Variants in TMEM74 observed in about 807,000 individuals in gnomAD.
TMEM74 encodes transmembrane protein 74.
In TMEM74, 13 loss-of-function variants were observed where a neutral mutation model predicts 18.1. That is an observed-to-expected ratio of 0.72 (90% CI 0.47 to 1.14). The LOEUF (loss-of-function observed/expected upper bound fraction) is 1.14. Among genes scored for constraint, TMEM74 ranks in the 50% most tolerant of loss-of-function variants. The probability of loss-of-function intolerance (pLI) is 0.00; values close to 1 mark genes in which losing one functional copy is unlikely to be tolerated. For missense variants in TMEM74, 372 were observed against 375.9 expected, an observed-to-expected ratio of 0.99 and a Z score of 0.09; for synonymous variants, 159 against 146.6, an observed-to-expected ratio of 1.08 and a Z score of -0.61.
chr8:108,672,908 G>A (rs1445128262), intron 1 of TMEM74, among the ~76,000 whole-genome samples: 1 of 152,176 alleles, frequency 6.6e-6, no homozygotes, highest in Non-Finnish European at 1.5e-5. Context: ...AGTACAACAT[G>A]GGTCACAAAG....
chr8:108,756,599 A>AAAGGGAGGAAGGAAGGAAGG (rs1316384798), intron 1 of TMEM74, among the ~76,000 whole-genome samples: 2 of 51,526 alleles, frequency 3.9e-5, no homozygotes, highest in Non-Finnish European at 7.2e-5. Context: ...AAAGAAAGAG[A>AAAGGGAGGAAGGAAGGAAGG]AAGGAAGGAA....
intron 2 of TMEM74, among the ~76,000 whole-genome samples, chr8:108,646,065 A>T (rs1812713973): frequency 6.6e-6 from 1 of 151,828 alleles, no homozygotes; most frequent in Admixed American, 6.6e-5. Flanking sequence ...ACCACTTGAT[A>T]TATATTGTTC....
At chr8:108,693,242 A>G (rs1334086433) in intron 1 of TMEM74, among the ~76,000 whole-genome samples, 1 of 152,194 alleles carries the variant, frequency 6.6e-6, no homozygotes, top group African/African-American at 2.4e-5. Flanking sequence ...AGACAAGGAC[A>G]TTCACATCAG....
At chr8:108,623,610 T>C (rs1181291390) in intron 2 of TMEM74, among the ~76,000 whole-genome samples, 2 of 152,132 alleles carry the variant, frequency 1.3e-5, no homozygotes, top group Non-Finnish European at 2.9e-5. Context: ...TTAATACATA[T>C]TTTAAGTATC....
chr8:108,759,791 T>C (rs1305043195), intron 1 of TMEM74, among the ~76,000 whole-genome samples: 1 of 152,086 alleles, frequency 6.6e-6, no homozygotes, highest in African/African-American at 2.4e-5. Flanking sequence ...AGATTTAAAT[T>C]TCATGGTATA....
chr8:108,716,033 TA>T (rs1031433284), intron 1 of TMEM74, among the ~76,000 whole-genome samples: 17 of 151,868 alleles, frequency 1.1e-4, no homozygotes, highest in African/African-American at 1.9e-4. Flanking sequence ...AAAAATTGAT[TA>T]AAAAAAGAAA....
intron 1 of TMEM74, chr8:108,655,463 AAAG>A (rs1304835828): frequency 8.5e-5 from 13 of 152,158 alleles, no homozygotes; most frequent in South Asian, 2.1e-4. Context: ...ATTAAAAAAA[AAAG>A]AAGAAAGTTA....
intron 2 of TMEM74, chr8:108,626,646 T>C (rs1265908097): frequency 1.3e-5 from 2 of 152,064 alleles, no homozygotes; most frequent in African/African-American, 4.8e-5. Flanking sequence ...ATATGGAAGA[T>C]GGCTACACAC....
At chr8:108,778,424 C>T (rs938527416), downstream of TMEM74, among the ~76,000 whole-genome samples, 1 of 152,120 alleles carries the variant, frequency 6.6e-6, no homozygotes, top group Non-Finnish European at 1.5e-5. Context: ...TAGCGAGAGA[C>T]TGTGGAAATG....
Position 108,785,003 on chromosome 8 carries a change from A to G in TMEM74, c.96T>C (p.Asp32=). The G allele has an allele frequency of 6.2e-7, 1 of 1,614,152 alleles. No individual in the cohort carries two copies. Among genetic ancestry groups the G allele is most frequent in the South Asian group, 1.1e-5 (1 of 91,078 alleles). The change falls in exon 2 of 2, where the codon GAT becomes GAC. Residue 32 remains aspartate, a synonymous_variant. Coordinates refer to ENST00000297459, the MANE Select transcript of TMEM74 (RefSeq NM_153015.3). ...AGAGAGCAGCTCTTGTGGCTGCTGT[A>G]TCTGCCTGGTCACCAGGCAGCCCTC... is the stretch of plus-strand genomic sequence containing the variant. ...SSRGLPGDQA[D]TAATRAALCC...
intron 2 of TMEM74, chr8:108,626,537 C>T (rs923439778): frequency 6.6e-6 from 1 of 151,970 alleles, no homozygotes; most frequent in Non-Finnish European, 1.5e-5. Context: ...TGCATTATTT[C>T]TCCACTGCTT....
At chr8:108,708,210 T>G (rs1813436005) in intron 1 of TMEM74, among the ~76,000 whole-genome samples, 1 of 152,072 alleles carries the variant, frequency 6.6e-6, no homozygotes, top group Non-Finnish European at 1.5e-5. Flanking sequence ...ATGATCTCAT[T>G]CTTTTTTATG....
intron 1 of TMEM74, among the ~76,000 whole-genome samples, chr8:108,725,160 C>T (rs142483257): frequency 1.3e-5 from 2 of 152,316 alleles, no homozygotes; most frequent in East Asian, 3.9e-4. Context: ...CCATTTGGAT[C>T]GCTCATTAAA....
intron 1 of TMEM74, among the ~76,000 whole-genome samples, chr8:108,726,395 T>C (rs1313132517): frequency 6.6e-6 from 1 of 152,178 alleles, no homozygotes; most frequent in Non-Finnish European, 1.5e-5. Context: ...AACAACGCCC[T>C]ACAAGCAATT....
chr8:108,729,727 CCCATT>C (rs1243808390), intron 1 of TMEM74, among the ~76,000 whole-genome samples: 1 of 152,154 alleles, frequency 6.6e-6, no homozygotes, highest in Non-Finnish European at 1.5e-5. Flanking sequence ...TTCATTTCAT[CCCATT>C]CCATTCTATT....
chr8:108,683,881 C>T (rs1586259714), intron 1 of TMEM74, among the ~76,000 whole-genome samples: 1 of 152,072 alleles, frequency 6.6e-6, no homozygotes, highest in African/African-American at 2.4e-5. Flanking sequence ...GTTTATTTCA[C>T]TTAACATGAT....
intron 1 of TMEM74, among the ~76,000 whole-genome samples, chr8:108,694,908 T>A (rs1307941172): frequency 6.6e-6 from 1 of 152,204 alleles, no homozygotes; most frequent in African/African-American, 2.4e-5. Flanking sequence ...GAATTTGAGC[T>A]GGAGCCCTCA....
In TMEM74 at chr8:108,645,373, GC is replaced by G. The variant is rs150051788; in HGVS notation, n.264+9919del. Among the ~76,000 whole-genome samples the G allele has an allele frequency of 7.7e-3, 1,166 of 152,208 alleles. 24 individuals are homozygous for G. The highest frequency in any genetic ancestry group is 0.025 in the African/African-American group (1,042 of 41,548). Reference sequence around the variant, plus strand: ...CACAATATGGGAAGGAAGGAGTGGGGCAAGTGCTGAAAAACTTTTGGATACT... The same window carrying G: ...CACAATATGGGAAGGAAGGAGTGGGGAAGTGCTGAAAAACTTTTGGATACT... On this transcript the variant is annotated intron_variant and non_coding_transcript_variant, in intron 2 of 3. Coordinates refer to the TMEM74 transcript ENST00000518838.
At chr8:108,734,143 A>T (rs1333840362) in intron 1 of TMEM74, among the ~76,000 whole-genome samples, 1 of 152,156 alleles carries the variant, frequency 6.6e-6, no homozygotes, top group Non-Finnish European at 1.5e-5. Flanking sequence ...TCCAGTTAGC[A>T]GGAGGCCTGA....
Sources: gnomAD v4.1 joint callset for allele counts (sites outside exome capture counted in the v4.1 genomes callset) on GRCh38, gnomAD v4.1.1 for gene constraint, MANE v1.5 for transcripts, NCBI Gene and HGNC (gene_info 2026-07-23, HGNC 2026-07-21) for gene names.